The following TFB1M variants were observed in gnomAD, a reference collection of about 807,000 sequenced individuals.
The protein encoded by TFB1M is dimethyladenosine transferase 1, mitochondrial.
Under a neutral mutation model 31.1 loss-of-function variants are expected in TFB1M, and 27 were observed. That is an observed-to-expected ratio of 0.87 (90% CI 0.64 to 1.20). The LOEUF (loss-of-function observed/expected upper bound fraction) is 1.20. Among genes scored for constraint, TFB1M ranks in the 50% most tolerant of loss-of-function variants. The pLI, the probability that TFB1M is intolerant of heterozygous loss-of-function variation, is 0.00. For missense variants in TFB1M, 394 were observed against 418.7 expected, an observed-to-expected ratio of 0.94 and a Z score of 0.51; for synonymous variants, 166 against 151.8, an observed-to-expected ratio of 1.09 and a Z score of -0.69.
Position 155,276,445 on chromosome 6 carries a change from A to T in TFB1M, c.666+8713T>A, listed in dbSNP as rs572880913. On this transcript the variant is annotated intron_variant, in intron 5 of 6. Transcript: ENST00000367166. ...AAATGGGACTTTTAGATTAAAAAAA[A>T]ATCAGAATTATGCTTAACTTTCCCT... 9 of 1,383,986 alleles carry T rather than the reference A, an allele frequency of 6.5e-6. No homozygotes were observed. In the African/African-American group the frequency reaches 8.8e-5, roughly 14 times the overall value. 85.7% of individuals were successfully genotyped at this position (1,383,986 alleles called of 1,614,324 possible). A position where few individuals can be genotyped will look rare whatever the true frequency, so the allele number is the denominator to read the frequency against.
At chr6:155,297,758 A>G (rs1445472881) in intron 3 of TFB1M, among the ~76,000 whole-genome samples, 1 of 152,248 alleles carries the variant, frequency 6.6e-6, no homozygotes, top group Non-Finnish European at 1.5e-5. Context: ...GAACTCAGTC[A>G]GATAAGGTTT....
At chr6:155,287,405 GA>G (rs1412726532) in intron 4 of TFB1M, among the ~76,000 whole-genome samples, 1 of 151,864 alleles carries the variant, frequency 6.6e-6, no homozygotes, top group African/African-American at 2.4e-5. Flanking sequence ...ACATGTGAAC[GA>G]AAAAATAAAC....
chr6:155,314,477 G>T lies in TFB1M; in HGVS notation c.-49C>A. On this transcript the variant is annotated 5_prime_UTR_variant, in exon 1 of 7. Transcript: ENST00000367166. ...CCCTACCTCACCCAGGACCTTCACC[G>T]CCGCTCCGAAAGAAACGCGCAGGGG... is the stretch of plus-strand genomic sequence containing the variant. The T allele has an allele frequency of 2.5e-6, 4 of 1,613,026 alleles. No individual in the cohort carries two copies. Among genetic ancestry groups the T allele is most frequent in the Non-Finnish European group, 3.4e-6 (4 of 1,179,736 alleles).
intron 4 of TFB1M, among the ~76,000 whole-genome samples, chr6:155,285,951 T>C (rs1776609489): frequency 6.6e-6 from 1 of 152,096 alleles, no homozygotes; most frequent in African/African-American, 2.4e-5. Context: ...TTAAATTCCA[T>C]GTAAAATTTA....
intron 2 of TFB1M, among the ~76,000 whole-genome samples, chr6:155,300,041 A>G (rs1429665209): frequency 6.6e-6 from 1 of 152,220 alleles, no homozygotes; most frequent in Non-Finnish European, 1.5e-5. Context: ...TAAGAAGTGC[A>G]TGAATAAGTG....
Position 155,257,269 on chromosome 6 carries a change from T to A in TFB1M, c.*567A>T. 1 of 882,106 alleles carries A rather than the reference T, an allele frequency of 1.1e-6. No homozygotes were observed. Among genetic ancestry groups the A allele is most frequent in the East Asian group, 2.7e-5 (1 of 37,462 alleles). The allele number at this position is 882,106 out of a possible 1,614,324, so 54.6% of individuals were successfully genotyped here. A position where few individuals can be genotyped will look rare whatever the true frequency, so the allele number is the denominator to read the frequency against. ...TTTCCCACAAAATGGTTGTAAAGAT[T>A]TAAGTTATTTTAATTTATTGTGGAT... On this transcript the variant is annotated 3_prime_UTR_variant, in exon 7 of 7. Coordinates refer to ENST00000367166, the MANE Select transcript of TFB1M (RefSeq NM_016020.4).
chr6:155,231,122 G>A, the TFB1M span, among the ~76,000 whole-genome samples: 4 of 152,066 alleles, frequency 2.6e-5, no homozygotes, highest in East Asian at 1.9e-4. Flanking sequence ...GATTATAGGC[G>A]TGAGCCACTG....
chr6:155,305,769 T>TTA (rs1777738144), intron 2 of TFB1M, among the ~76,000 whole-genome samples: 1 of 123,356 alleles, frequency 8.1e-6, no homozygotes, highest in African/African-American at 3.1e-5. Context: ...ATATATTAAA[T>TTA]TATATATAAA....
At chr6:155,242,530 G>A in the TFB1M span, among the ~76,000 whole-genome samples, 8 of 152,180 alleles carry the variant, frequency 5.3e-5, no homozygotes, top group African/African-American at 1.9e-4. Flanking sequence ...CTTGCCTTTT[G>A]CTCTCTGAAC....
In TFB1M at chr6:155,305,123, TATAC is replaced by T. The variant is rs201602639; in HGVS notation, c.285+6061_285+6064del. Among the ~76,000 whole-genome samples the T allele has an allele frequency of 3.7e-3, 350 of 93,694 alleles. 7 individuals are homozygous for T. Among genetic ancestry groups the T allele is most frequent in the African/African-American group, 8.2e-3 (142 of 17,306 alleles). The allele number at this position is 93,694 out of a possible 152,430, so 61.5% of individuals were successfully genotyped here. A position where few individuals can be genotyped will look rare whatever the true frequency, so the allele number is the denominator to read the frequency against. ...TATTTATATATTATATATTTATATA[TATAC>T]ATAATTATATATTTATATATATAAA... On this transcript the variant is annotated intron_variant, in intron 2 of 6. Coordinates refer to ENST00000367166, the MANE Select transcript of TFB1M (RefSeq NM_016020.4).
At chr6:155,230,364 C>T in the TFB1M span, among the ~76,000 whole-genome samples, 1 of 152,226 alleles carries the variant, frequency 6.6e-6, no homozygotes. Context: ...TTCCCCCAGC[C>T]CCAAGCTGTG....
At chr6:155,245,868 G>C in the TFB1M span, 1 of 515,932 alleles carries the variant, frequency 1.9e-6, no homozygotes. Context: ...CTTGACAGTG[G>C]CAAATATTAA....
At chr6:155,236,326 T>G in the TFB1M span, among the ~76,000 whole-genome samples, 1 of 151,850 alleles carries the variant, frequency 6.6e-6, no homozygotes, top group Admixed American at 6.6e-5. Flanking sequence ...GCAGTTCTCA[T>G]GCAGGCCACA....
chr6:155,234,084 T>A, the TFB1M span, among the ~76,000 whole-genome samples: 1 of 152,178 alleles, frequency 6.6e-6, no homozygotes, highest in Non-Finnish European at 1.5e-5. Flanking sequence ...AATCTTTTTA[T>A]GACTTCTTAA....
At chr6:155,313,764 G>GT (rs1376603854) in intron 1 of TFB1M, among the ~76,000 whole-genome samples, 1 of 152,186 alleles carries the variant, frequency 6.6e-6, no homozygotes, top group Non-Finnish European at 1.5e-5. Context: ...CTAGCACAAT[G>GT]TTGCTTGTGT....
chr6:155,254,637 T>C (rs1159623928), downstream of TFB1M: 2 of 1,572,376 alleles, frequency 1.3e-6, no homozygotes, highest in Non-Finnish European at 1.7e-6. Flanking sequence ...AAAGGATATA[T>C]GCTCTTGTAA....
the TFB1M span, chr6:155,244,750 C>T: frequency 5.6e-6 from 9 of 1,613,816 alleles, no homozygotes; most frequent in Non-Finnish European, 7.6e-6. Flanking sequence ...CATCATCTGA[C>T]TTTAACACCC....
intron 5 of TFB1M, among the ~76,000 whole-genome samples, chr6:155,270,762 C>T (rs1192227409): frequency 2.0e-5 from 3 of 152,172 alleles, no homozygotes; most frequent in Non-Finnish European, 4.4e-5. Context: ...ACAACCATGG[C>T]GACCAGCGAA....
intron 5 of TFB1M, among the ~76,000 whole-genome samples, chr6:155,267,136 G>A (rs1222963154): frequency 6.6e-6 from 1 of 151,812 alleles, no homozygotes; most frequent in Non-Finnish European, 1.5e-5. Context: ...CACCACACCC[G>A]GCCAATTTTT....
Sources: allele counts gnomAD v4.1 joint callset (sites outside exome capture counted in the v4.1 genomes callset), GRCh38; gene constraint gnomAD v4.1.1; transcripts MANE v1.5; gene names NCBI Gene and HGNC (gene_info 2026-07-23, HGNC 2026-07-21).